Variants in UBE3D observed in about 807,000 individuals in gnomAD.
The protein encoded by UBE3D is ubiquitin protein ligase E3D.
UBE3D carries 48 observed loss-of-function variants against 49.6 expected under a neutral mutation model. The ratio of observed to expected loss-of-function variants is 0.97; its 90% CI spans 0.77 to 1.23. The LOEUF (loss-of-function observed/expected upper bound fraction) is 1.23, where lower values mean the gene tolerates loss of function less well. Among genes scored for constraint, UBE3D ranks in the 50% most tolerant of loss-of-function variants. The pLI is 0.00. For missense variants in UBE3D, 452 were observed against 468.4 expected, an observed-to-expected ratio of 0.96 and a Z score of 0.32; for synonymous variants, 189 against 174.2, an observed-to-expected ratio of 1.08 and a Z score of -0.67.
chr6:82,998,150 T>G (rs777225100), intron 8 of UBE3D, among the ~76,000 whole-genome samples: 27 of 152,244 alleles, frequency 1.8e-4, no homozygotes, highest in South Asian at 1.2e-3. Flanking sequence ...ACAATGGATG[T>G]TACAGCAGCA....
intron 9 of UBE3D, among the ~76,000 whole-genome samples, chr6:82,956,399 C>T (rs12215048): frequency 0.16 from 24,254 of 152,036 alleles, 1,979 homozygotes; most frequent in African/African-American, 0.17. Flanking sequence ...TAGCTGACTG[C>T]GAGGGAGGCG....
At chr6:83,058,123 T>C (rs1783934232) in intron 1 of UBE3D, 101 bp from the exon 2 acceptor site, 10 of 1,186,888 alleles carry the variant, frequency 8.4e-6, no homozygotes, top group Admixed American at 6.6e-5. Flanking sequence ...TCCTCTTCAA[T>C]AGGAGCTCTA....
intron 9 of UBE3D, among the ~76,000 whole-genome samples, chr6:82,905,755 T>C (rs1231908811): frequency 2.0e-5 from 3 of 152,196 alleles, no homozygotes; most frequent in Non-Finnish European, 2.9e-5. Flanking sequence ...TCCCTCCCTG[T>C]TCAAACATCT....
At chr6:82,967,025 C>A (rs1776988820) in intron 8 of UBE3D, among the ~76,000 whole-genome samples, 1 of 152,044 alleles carries the variant, frequency 6.6e-6, no homozygotes, top group Non-Finnish European at 1.5e-5. Context: ...TTTTATTAAT[C>A]TTTTATTTCC....
intron 3 of UBE3D, among the ~76,000 whole-genome samples, chr6:83,046,650 G>C (rs1397031097): frequency 9.1e-6 from 1 of 109,446 alleles, no homozygotes; most frequent in African/African-American, 3.4e-5. Context: ...ACAGAGTAAC[G>C]GTTCTAAATT....
intron 4 of UBE3D, among the ~76,000 whole-genome samples, chr6:83,042,628 C>T (rs112345988): frequency 1.6e-4 from 24 of 152,326 alleles, no homozygotes; most frequent in African/African-American, 4.8e-4. Flanking sequence ...ATATCTGAGA[C>T]ACCACAGGGC....
downstream of UBE3D, among the ~76,000 whole-genome samples, chr6:82,887,507 G>A (rs907945648): frequency 2.0e-5 from 3 of 148,962 alleles, no homozygotes; most frequent in African/African-American, 5.0e-5. Flanking sequence ...TCAGGCGCTC[G>A]AGACCAGTCT....
chr6:82,920,871 C>T (rs904341210), intron 9 of UBE3D, among the ~76,000 whole-genome samples: 2 of 151,958 alleles, frequency 1.3e-5, no homozygotes, highest in Admixed American at 6.6e-5. Context: ...AAAGATTTAA[C>T]GCCCATTTTT....
chr6:83,004,633 G>T (rs2127750266), intron 8 of UBE3D, among the ~76,000 whole-genome samples: 1 of 152,206 alleles, frequency 6.6e-6, no homozygotes, highest in South Asian at 2.1e-4. Flanking sequence ...TTAGGATTTG[G>T]TGACACTTGT....
intron 8 of UBE3D, among the ~76,000 whole-genome samples, chr6:83,001,189 C>T (rs1779610314): frequency 6.6e-6 from 1 of 152,190 alleles, no homozygotes; most frequent in South Asian, 2.1e-4. Flanking sequence ...CAGTTGGTCT[C>T]TCTCTGATTT....
intron 4 of UBE3D, among the ~76,000 whole-genome samples, chr6:83,040,015 T>G (rs1782543601): frequency 6.6e-6 from 1 of 152,196 alleles, no homozygotes; most frequent in African/African-American, 2.4e-5. Context: ...AAGTACTGCT[T>G]CAAGAAACTT....
At chr6:82,956,821 A>C (rs1373963662) in intron 9 of UBE3D, among the ~76,000 whole-genome samples, 1 of 152,164 alleles carries the variant, frequency 6.6e-6, no homozygotes, top group Non-Finnish European at 1.5e-5. Flanking sequence ...CTGTTTGTTC[A>C]TTTATTTAAA....
chr6:82,995,203 T>C (rs958507043), intron 8 of UBE3D, among the ~76,000 whole-genome samples: 3 of 152,138 alleles, frequency 2.0e-5, no homozygotes, highest in African/African-American at 7.2e-5. Context: ...CCATGAATAA[T>C]GCCAAACGCT....
intron 9 of UBE3D, among the ~76,000 whole-genome samples, chr6:82,931,289 T>C: frequency 6.6e-6 from 1 of 152,250 alleles, no homozygotes; most frequent in Non-Finnish European, 1.5e-5. Context: ...GGAGAACTTC[T>C]GCTAGGGCAG....
At chr6:82,951,252 T>C (rs1372391147) in intron 9 of UBE3D, among the ~76,000 whole-genome samples, 1 of 152,088 alleles carries the variant, frequency 6.6e-6, no homozygotes, top group Non-Finnish European at 1.5e-5. Flanking sequence ...CCATAAAAAT[T>C]AAGAATAAAC....
chr6:83,040,529 A>G (rs1400067981), intron 4 of UBE3D, among the ~76,000 whole-genome samples: 1 of 152,162 alleles, frequency 6.6e-6, no homozygotes, highest in Non-Finnish European at 1.5e-5. Context: ...AAAAATCCGT[A>G]AATGCCTACA....
chr6:82,932,795 G>C (rs1002836665), intron 9 of UBE3D, among the ~76,000 whole-genome samples: 2 of 152,154 alleles, frequency 1.3e-5, no homozygotes, highest in Non-Finnish European at 2.9e-5. Context: ...TAGTTTGGGA[G>C]ACTGATTACT....
rs61225462 is a variant in UBE3D at position 83,027,434 on chromosome 6, CAAAAAAAAA to C, written c.668-3405_668-3397del. ...CTGGCGACAGAGCGAGACTCCGTCT[CAAAAAAAAA>C]AAAAAAAAAAAAAAAAAAGAAACCA... On this transcript the variant is annotated intron_variant, in intron 5 of 9. Transcript: ENST00000369747. Among the ~76,000 whole-genome samples, 77 of 34,646 alleles carry C rather than the reference CAAAAAAAAA, an allele frequency of 2.2e-3. 2 individuals are homozygous for C. Among genetic ancestry groups the C allele is most frequent in the African/African-American group, 5.9e-3 (54 of 9,154 alleles). 22.7% of individuals were successfully genotyped at this position (34,646 alleles called of 152,430 possible).
intron 3 of UBE3D, chr6:83,049,638 C>T (rs1356055814): frequency 1.2e-5 from 4 of 321,028 alleles, no homozygotes; most frequent in Admixed American, 8.1e-5. Context: ...CCCAAGATCC[C>T]ATCTTGCTGG....
Sources: gnomAD v4.1 joint callset for allele counts (sites outside exome capture counted in the v4.1 genomes callset) on GRCh38, gnomAD v4.1.1 for gene constraint, MANE v1.5 for transcripts, NCBI Gene and HGNC (gene_info 2026-07-23, HGNC 2026-07-21) for gene names.